The following FMO4 variants were observed in gnomAD, a reference collection of about 807,000 sequenced individuals.
FMO4 encodes flavin containing dimethylaniline monoxygenase 4.
FMO4 carries 38 observed loss-of-function variants against 43.3 expected under a neutral mutation model. That is an observed-to-expected ratio of 0.88 (90% CI 0.68 to 1.15). The LOEUF is 1.15. FMO4 is among the 50% of genes most tolerant of loss of function. FMO4 has a pLI of 0.00. For missense variants in FMO4, 631 were observed against 663.3 expected, an observed-to-expected ratio of 0.95 and a Z score of 0.54; for synonymous variants, 224 against 232.2, an observed-to-expected ratio of 0.96 and a Z score of 0.32.
chr1:171,329,478 C>G (rs754507690), intron 5 of FMO4, among the ~76,000 whole-genome samples: 4 of 152,192 alleles, frequency 2.6e-5, no homozygotes, highest in East Asian at 1.9e-4. Context: ...CAGACTGGCT[C>G]TCTTCCACAG....
At chr1:171,332,143 TC>T (rs1662926709) in intron 6 of FMO4, among the ~76,000 whole-genome samples, 1 of 152,126 alleles carries the variant, frequency 6.6e-6, no homozygotes, top group Non-Finnish European at 1.5e-5. Flanking sequence ...TCTGGTAAAA[TC>T]CCTATGTAAG....
intron 5 of FMO4, among the ~76,000 whole-genome samples, chr1:171,330,553 T>C (rs1176896586): frequency 6.6e-6 from 1 of 152,184 alleles, no homozygotes; most frequent in African/African-American, 2.4e-5. Context: ...AAGTCACGTC[T>C]TACAGGGTGG....
At position 171,341,921 on chromosome 1, in the gene FMO4, A is replaced by T; in HGVS notation, c.*82A>T. ...GTGCATCCCTCCTCTGCTCTCCATCATAACTGCTATTAGCCAAATTCAGGC... is the reference window on the plus strand; with the variant it reads ...GTGCATCCCTCCTCTGCTCTCCATCTTAACTGCTATTAGCCAAATTCAGGC... On this transcript the variant is annotated 3_prime_UTR_variant, in exon 10 of 10. Transcript: ENST00000367749. 1 of 1,141,902 alleles carries T rather than the reference A, an allele frequency of 8.8e-7. No homozygotes were observed. The highest frequency in any genetic ancestry group is 1.5e-5 in the South Asian group (1 of 65,106). 70.7% of individuals were successfully genotyped at this position (1,141,902 alleles called of 1,614,324 possible).
At chr1:171,315,974 G>A (rs1288262030) in intron 1 of FMO4, among the ~76,000 whole-genome samples, 2 of 152,134 alleles carry the variant, frequency 1.3e-5, no homozygotes, top group African/African-American at 2.4e-5. Flanking sequence ...AGCAGTCACG[G>A]TCTTTTTTAA....
Position 171,323,057 on chromosome 1 carries a change from C to T in FMO4, c.186C>T (p.Val62=). Residue 62 remains valine (V), a synonymous_variant, in exon 4 of 10, where the codon GTC becomes GTT. Transcript: ENST00000367749. ...TRVYKSLVTN[V]CKEMSCYSDF... is the part of the protein sequence containing the mutation. Reference sequence around the variant, plus strand: ...TCTATAAGTCATTAGTGACAAATGTCTGTAAGGAAATGTCATGTTACAGTG... The same window carrying T: ...TCTATAAGTCATTAGTGACAAATGTTTGTAAGGAAATGTCATGTTACAGTG... The T allele has an allele frequency of 6.2e-7, 1 of 1,613,176 alleles. No homozygotes were observed. The highest frequency in any genetic ancestry group is 1.1e-5 in the South Asian group (1 of 91,052).
At chr1:171,324,083 T>C (rs544240197) in intron 4 of FMO4, 55 bp from the exon 5 acceptor site, 151 of 1,480,390 alleles carry the variant, frequency 1.0e-4, no homozygotes, top group Admixed American at 1.5e-4. Flanking sequence ...ACACCAGTCA[T>C]TGCATGAGGT....
rs767802879 is a variant in FMO4 at position 171,332,916 on chromosome 1, C to A, written c.827+8C>A. On this transcript the variant is annotated splice_region_variant and intron_variant, in intron 7 of 9. Coordinates refer to ENST00000367749, the MANE Select transcript of FMO4 (RefSeq NM_002022.3). Reference sequence around the variant, plus strand: ...ATTAAGTATTACCAAAGGGTACTTACATTTTTTATTTAGTAGAAAAAATAT... The same window carrying A: ...ATTAAGTATTACCAAAGGGTACTTAAATTTTTTATTTAGTAGAAAAAATAT... 8.8e-7 allele frequency: 1 copy of A among 1,132,406 alleles called. No individual in the cohort carries two copies. The highest frequency in any genetic ancestry group is 1.3e-6 in the Non-Finnish European group (1 of 749,698). 70.1% of individuals were successfully genotyped at this position (1,132,406 alleles called of 1,614,324 possible). A position where few individuals can be genotyped will look rare whatever the true frequency, so the allele number is the denominator to read the frequency against.
chr1:171,320,143 G>A (rs1484994331), intron 3 of FMO4, among the ~76,000 whole-genome samples, 186 bp downstream of exon 3: 1 of 152,196 alleles, frequency 6.6e-6, no homozygotes, highest in East Asian at 1.9e-4. Flanking sequence ...TCTTGAGAAT[G>A]CGCAGACTCG....
At chr1:171,323,468 A>G (rs1470591055) in intron 4 of FMO4, among the ~76,000 whole-genome samples, 1 of 152,166 alleles carries the variant, frequency 6.6e-6, no homozygotes, top group Non-Finnish European at 1.5e-5. Flanking sequence ...GTTTGAGACC[A>G]GTATGGCCAA....
At chr1:171,333,661 C>G (rs1662994401) in intron 7 of FMO4, among the ~76,000 whole-genome samples, 1 of 152,004 alleles carries the variant, frequency 6.6e-6, no homozygotes, top group African/African-American at 2.4e-5. Context: ...GGTAAGATAT[C>G]TTTTTTTGTT....
At chr1:171,328,623 C>T (rs2101892861) in intron 5 of FMO4, among the ~76,000 whole-genome samples, 1 of 151,452 alleles carries the variant, frequency 6.6e-6, no homozygotes, top group South Asian at 2.1e-4. Context: ...GCACTCCAGC[C>T]TGGGTGACAG....
intron 5 of FMO4, among the ~76,000 whole-genome samples, 174 bp downstream of exon 5, chr1:171,324,474 A>C (rs963324665): frequency 1.3e-5 from 2 of 152,190 alleles, no homozygotes; most frequent in African/African-American, 4.8e-5. Flanking sequence ...TGTAGGTGTC[A>C]GGTCTTATTT....
At chr1:171,331,898 A>G (rs1412054619) in intron 6 of FMO4, 116 bp downstream of exon 6, 7 of 801,744 alleles carry the variant, frequency 8.7e-6, no homozygotes, top group Non-Finnish European at 1.4e-5. Context: ...GACACACAGT[A>G]AGTGGGAAAA....
intron 5 of FMO4, among the ~76,000 whole-genome samples, chr1:171,324,859 T>A (rs965482551): frequency 1.3e-5 from 2 of 152,094 alleles, no homozygotes; most frequent in African/African-American, 4.8e-5. Flanking sequence ...TAGCGGTTCA[T>A]ACCTGTAATC....
At chr1:171,338,507 T>C (rs1663213774) in intron 9 of FMO4, among the ~76,000 whole-genome samples, 1 of 152,198 alleles carries the variant, frequency 6.6e-6, no homozygotes, top group South Asian at 2.1e-4. Flanking sequence ...TCCATGCTGC[T>C]TTAGGCATTC....
chr1:171,323,935 T>C (rs1662545795), intron 4 of FMO4, among the ~76,000 whole-genome samples: 1 of 152,222 alleles, frequency 6.6e-6, no homozygotes, highest in Admixed American at 6.5e-5. Context: ...AAGATTCAAA[T>C]GTCTTGAGTT....
At chr1:171,335,673 T>C (rs1033510443) in intron 8 of FMO4, among the ~76,000 whole-genome samples, 1 of 152,076 alleles carries the variant, frequency 6.6e-6, no homozygotes. Context: ...TGTAGAAATA[T>C]AATAGGCATC....
intron 5 of FMO4, among the ~76,000 whole-genome samples, chr1:171,328,732 T>G (rs909645620): frequency 1.3e-5 from 2 of 151,964 alleles, no homozygotes; most frequent in Non-Finnish European, 2.9e-5. Flanking sequence ...CATAGTACCT[T>G]GGGTGGTGTT....
intron 5 of FMO4, 120 bp downstream of exon 5, chr1:171,324,420 A>G: frequency 1.4e-6 from 1 of 721,700 alleles, no homozygotes; most frequent in Non-Finnish European, 2.2e-6. Flanking sequence ...TCATTCTCAA[A>G]AATAATATGT....
Sources: allele counts gnomAD v4.1 joint callset (sites outside exome capture counted in the v4.1 genomes callset), GRCh38; gene constraint gnomAD v4.1.1; transcripts MANE v1.5; gene names NCBI Gene and HGNC (gene_info 2026-07-23, HGNC 2026-07-21).